Variants in DYNC2H1 observed in about 807,000 individuals in gnomAD.
DYNC2H1 encodes dynein cytoplasmic 2 heavy chain 1, also known as cytoplasmic dynein 2 heavy chain 1.
A neutral mutation model predicts 570.0 loss-of-function variants in DYNC2H1; 410 were observed. The observed-to-expected ratio is 0.72, with a 90% CI of 0.66 to 0.78. The LOEUF is 0.78. DYNC2H1 is among the 30% of genes least tolerant of loss of function. The probability of loss-of-function intolerance (pLI) is 0.00; values close to 1 mark genes in which losing one functional copy is unlikely to be tolerated. For synonymous variants in DYNC2H1, 1,688 were observed against 1,677.6 expected (o/e 1.01, Z -0.15); for missense variants, 4,865 against 5,046.4 (o/e 0.96, Z 1.09).
intron 88 of DYNC2H1, among the ~76,000 whole-genome samples, chr11:103,471,277 CA>C: frequency 6.6e-6 from 1 of 152,270 alleles, no homozygotes; most frequent in Non-Finnish European, 1.5e-5. Context: ...TCTTTCTTTA[CA>C]GTGAGCCTCC....
Position 103,211,875 on chromosome 11 carries a change from T to A in DYNC2H1, c.8626T>A (p.Leu2876Ile). 2 of 1,535,088 alleles carry A rather than the reference T, an allele frequency of 1.3e-6. No homozygotes were observed. The highest frequency in any genetic ancestry group is 4.9e-5 in the East Asian group (2 of 41,072). Residue 2876 changes from leucine to isoleucine, a missense_variant, in exon 54 of 89, where the codon TTA becomes ATA. By Grantham distance (5) the Leu-to-Ile change is conservative. Coordinates refer to ENST00000375735, the MANE Select transcript of DYNC2H1 (RefSeq NM_001377.3). Reference protein sequence around the residue: ...GATPSRYMTFLHVYSAISSSK... With the variant: ...GATPSRYMTFIHVYSAISSSK... ...TACACCAAGCCGATACATGACCTTTTTACATGTGTATTCTGCCATTAGTAG... is the reference window on the plus strand; with the variant it reads ...TACACCAAGCCGATACATGACCTTTATACATGTGTATTCTGCCATTAGTAG...
At chr11:103,456,466 G>T (rs1242632193) in intron 87 of DYNC2H1, 110 bp downstream of exon 87, 14 of 726,932 alleles carry the variant, frequency 1.9e-5, no homozygotes, top group Non-Finnish European at 4.3e-6. Context: ...AAGATCAGTA[G>T]AGTTAGATTG....
chr11:103,220,721 T>G lies in DYNC2H1; in HGVS notation c.9045T>G (p.Asp3015Glu), dbSNP rs794727767. 2 of 1,612,992 alleles carry G rather than the reference T, an allele frequency of 1.2e-6. No homozygotes were observed. Among genetic ancestry groups the G allele is most frequent in the African/African-American group, 2.7e-5 (2 of 74,906 alleles). ...SLRMPPDVIRDILEGVLRLMG... is the reference protein window; with the variant it reads ...SLRMPPDVIREILEGVLRLMG... Reference sequence around the variant, plus strand: ...GCATGCCACCTGATGTAATTAGAGATATTCTTGAAGGAGTTTTAAGGTTGA... The same window carrying G: ...GCATGCCACCTGATGTAATTAGAGAGATTCTTGAAGGAGTTTTAAGGTTGA... Residue 3015 changes from aspartate to glutamate, a missense_variant, in exon 57 of 89, where the codon GAT becomes GAG. Physicochemically the swap from Asp to Glu is conservative, Grantham distance 45. Coordinates refer to ENST00000375735, the MANE Select transcript of DYNC2H1 (RefSeq NM_001377.3).
At chr11:103,313,535 T>C (rs1319440872) in intron 79 of DYNC2H1, among the ~76,000 whole-genome samples, 32 of 152,122 alleles carry the variant, frequency 2.1e-4, no homozygotes, top group Admixed American at 2.1e-3. Flanking sequence ...TTTTAACCTC[T>C]CTGTTTCAGT....
rs911708821 is a variant in DYNC2H1, at chr11:103,137,634, G to C, written c.2574+1686G>C. 2.0e-5 allele frequency among the ~76,000 whole-genome samples: 3 copies of C among 152,188 alleles called. No homozygotes were observed. The East Asian group carries it at 5.8e-4, about 29-fold the overall frequency. On this transcript the variant is annotated intron_variant, in intron 17 of 88. Coordinates refer to ENST00000375735, the MANE Select transcript of DYNC2H1 (RefSeq NM_001377.3). Reference sequence around the variant, plus strand: ...ATGTTGTTTTGGTTACTGTAGCCTTGTAGTATAGTTTGAAGTCAGGTAGCG... The same window carrying C: ...ATGTTGTTTTGGTTACTGTAGCCTTCTAGTATAGTTTGAAGTCAGGTAGCG...
chr11:103,358,253 A>T lies in DYNC2H1; in HGVS notation c.12050A>T (p.Gln4017Leu), dbSNP rs1337499303. 6.4e-7 allele frequency: 1 copy of T among 1,568,350 alleles called. No homozygotes were observed. Among genetic ancestry groups the T allele is most frequent in the South Asian group, 1.2e-5 (1 of 84,330 alleles). ...QRMISSQVISQLRILGRSITA... is the reference protein window; with the variant it reads ...QRMISSQVISLLRILGRSITA... ...TATTTTTTTATTCAGGTTATTTCAC[A>T]GTTGAGGATTTTGGGCAGATCCATA... The change falls in exon 83 of 89, where the codon CAG becomes CTG. Residue 4017 changes from glutamine to leucine, a missense_variant. This residue lies in a region of DYNC2H1 where 2,401 missense variants were observed against 2,454.6 expected (regional missense o/e 0.98). Coordinates refer to ENST00000375735, the MANE Select transcript of DYNC2H1 (RefSeq NM_001377.3).
chr11:103,161,167 G>A, intron 29 of DYNC2H1, 123 bp downstream of exon 29: 1 of 470,932 alleles, frequency 2.1e-6, no homozygotes. Flanking sequence ...AGGAAACTCA[G>A]CTCATATCTT....
At chr11:103,441,012 A>G (rs773547213) in intron 85 of DYNC2H1, among the ~76,000 whole-genome samples, 56 of 152,188 alleles carry the variant, frequency 3.7e-4, no homozygotes, top group Non-Finnish European at 3.4e-4. Context: ...AGCTCAGATT[A>G]CATCACTCTT....
intron 47 of DYNC2H1, among the ~76,000 whole-genome samples, chr11:103,193,216 A>C (rs1223942362): frequency 6.6e-6 from 1 of 152,202 alleles, no homozygotes; most frequent in Non-Finnish European, 1.5e-5. Context: ...AAGCCTGATC[A>C]TATTAATAGT....
At chr11:103,301,570 A>G (rs1295778386) in intron 75 of DYNC2H1, among the ~76,000 whole-genome samples, 1 of 152,000 alleles carries the variant, frequency 6.6e-6, no homozygotes, top group Non-Finnish European at 1.5e-5. Context: ...CTTAGTTAAA[A>G]AGAAAATTTA....
Position 103,264,239 on chromosome 11 carries a change from G to A in DYNC2H1, c.10695+4262G>A, listed in dbSNP as rs891376186. On this transcript the variant is annotated intron_variant, in intron 70 of 88. Coordinates refer to ENST00000375735, the MANE Select transcript of DYNC2H1 (RefSeq NM_001377.3). The surrounding 1 kb of genome is among the most constrained non-coding windows in gnomAD (Gnocchi z 4.8). ...TAGCCTACCAACCAAAAAAAGCCCA[G>A]GGTCAGATGGATTCACAGCCAAATT... Among the ~76,000 whole-genome samples the A allele has an allele frequency of 6.6e-6, 1 of 152,086 alleles. No homozygotes were observed. The highest frequency in any genetic ancestry group is 2.4e-5 in the African/African-American group (1 of 41,406).
At chr11:103,403,537 A>G (rs1378440025) in intron 84 of DYNC2H1, 4 of 152,028 alleles carry the variant, frequency 2.6e-5, no homozygotes, top group Admixed American at 2.0e-4. Flanking sequence ...TTTTAAGGGA[A>G]TTGATTCTAG....
At chr11:103,158,105 T>C (rs1198511561) in intron 26 of DYNC2H1, among the ~76,000 whole-genome samples, 1 of 152,252 alleles carries the variant, frequency 6.6e-6, no homozygotes, top group Non-Finnish European at 1.5e-5. Flanking sequence ...AATTATTTGA[T>C]GTCTTTTGCT....
At chr11:103,153,636 A>G (rs2134880700) in intron 22 of DYNC2H1, 128 bp downstream of exon 22, 1 of 857,044 alleles carries the variant, frequency 1.2e-6, no homozygotes, top group East Asian at 2.8e-5. Flanking sequence ...TTAAACTACA[A>G]ATAATAAGCA....
At chr11:103,150,196 G>A (rs1373553525) in intron 20 of DYNC2H1, among the ~76,000 whole-genome samples, 1 of 152,202 alleles carries the variant, frequency 6.6e-6, no homozygotes, top group South Asian at 2.1e-4. Flanking sequence ...TATTCTGAGT[G>A]TAATAAGAAA....
At chr11:103,353,136 G>C (rs1276832728) in intron 82 of DYNC2H1, among the ~76,000 whole-genome samples, 1 of 152,126 alleles carries the variant, frequency 6.6e-6, no homozygotes, top group Non-Finnish European at 1.5e-5. Flanking sequence ...AACACACACA[G>C]GGCCTGTCAG....
chr11:103,279,196 A>G (rs1242006747), intron 70 of DYNC2H1, among the ~76,000 whole-genome samples: 1 of 152,198 alleles, frequency 6.6e-6, no homozygotes, highest in Non-Finnish European at 1.5e-5. Context: ...TTGTTTTACC[A>G]GAAAGATGTT....
chr11:103,478,127 C>T (rs1945622758), intron 88 of DYNC2H1, among the ~76,000 whole-genome samples: 1 of 152,106 alleles, frequency 6.6e-6, no homozygotes, highest in Admixed American at 6.5e-5. Context: ...CATTAAAGCA[C>T]ATCATATATG....
chr11:103,141,781 C>T (rs1408957276), intron 17 of DYNC2H1, among the ~76,000 whole-genome samples: 1 of 152,218 alleles, frequency 6.6e-6, no homozygotes, highest in East Asian at 1.9e-4. Flanking sequence ...TTACTGCTGT[C>T]TTTTTGTTGT....
Sources: allele counts gnomAD v4.1 joint callset (sites outside exome capture counted in the v4.1 genomes callset), GRCh38; gene constraint gnomAD v4.1.1; regional missense constraint gnomAD v4.1.1; non-coding constraint Gnocchi (gnomAD v3.1); transcripts MANE v1.5; gene names NCBI Gene and HGNC (gene_info 2026-07-23, HGNC 2026-07-21).